Variants in RBFOX1 observed in about 807,000 individuals in gnomAD.
RBFOX1 encodes RNA binding fox-1 homolog 1, also known as RNA binding protein fox-1 homolog 1.
A neutral mutation model predicts 57.7 loss-of-function variants in RBFOX1; 8 were observed. The observed-to-expected ratio is 0.14, with a 90% CI of 0.08 to 0.25. RBFOX1 has a LOEUF of 0.25. Among genes scored for constraint, RBFOX1 ranks in the 10% least tolerant of loss-of-function variants. The pLI is 1.00. For missense variants in RBFOX1, 611 were observed against 548.5 expected (o/e 1.11, Z -1.14); for synonymous variants, 326 against 222.4 (o/e 1.47, Z -4.15).
At chr16:6,544,041 A>C (rs1267358907) in intron 2 of RBFOX1, among the ~76,000 whole-genome samples, 2 of 152,224 alleles carry the variant, frequency 1.3e-5, no homozygotes, top group Non-Finnish European at 2.9e-5. Flanking sequence ...CAAGTACCTG[A>C]GATGCTCTTC....
At chr16:6,916,708 C>G (rs890072652) in intron 3 of RBFOX1, among the ~76,000 whole-genome samples, 9 of 152,126 alleles carry the variant, frequency 5.9e-5, no homozygotes, top group South Asian at 2.1e-4. Flanking sequence ...ATGCCCATTC[C>G]TACTTAAAAA....
intron 2 of RBFOX1, among the ~76,000 whole-genome samples, chr16:6,336,101 A>C (rs1298209739): frequency 7.0e-6 from 1 of 143,366 alleles, no homozygotes. Flanking sequence ...GATACTTGCA[A>C]ATAAGAAGGC....
intron 4 of RBFOX1, among the ~76,000 whole-genome samples, chr16:7,097,066 A>G (rs1599398367): frequency 6.6e-6 from 1 of 152,132 alleles, no homozygotes; most frequent in East Asian, 1.9e-4. Context: ...ACAAATAAAC[A>G]CATGTGATCA....
intron 2 of RBFOX1, among the ~76,000 whole-genome samples, chr16:6,332,332 G>T (rs982130536): frequency 9.9e-5 from 15 of 152,146 alleles, no homozygotes; most frequent in African/African-American, 3.6e-4. Context: ...AGCTACACTG[G>T]TGGGAAAAAA....
chr16:6,517,617 A>C (rs1379104064), intron 2 of RBFOX1, among the ~76,000 whole-genome samples: 1 of 152,130 alleles, frequency 6.6e-6, no homozygotes, highest in Non-Finnish European at 1.5e-5. Context: ...CTGGGTGTTT[A>C]ATCCCGTGAC....
At chr16:5,371,064 T>C (rs557535) in intron 1 of RBFOX1, among the ~76,000 whole-genome samples, 152,299 of 152,330 alleles carry the variant, frequency 1, 76,134 homozygotes, top group Non-Finnish European at 1. Flanking sequence ...TCTCCTGCCT[T>C]AGCCTCCCAA....
intron 2 of RBFOX1, among the ~76,000 whole-genome samples, chr16:6,468,639 A>C (rs2095105893): frequency 6.6e-6 from 1 of 152,128 alleles, no homozygotes; most frequent in South Asian, 2.1e-4. Context: ...CTTTGCAAAA[A>C]CAAATAAAAC....
intron 4 of RBFOX1, among the ~76,000 whole-genome samples, chr16:7,262,411 G>T (rs746022279): frequency 6.6e-6 from 1 of 152,066 alleles, no homozygotes; most frequent in Non-Finnish European, 1.5e-5. Flanking sequence ...GGAAAATACG[G>T]CACTGAAAAA....
At chr16:5,460,689 CA>C (rs2068760728) in intron 1 of RBFOX1, among the ~76,000 whole-genome samples, 1 of 152,200 alleles carries the variant, frequency 6.6e-6, no homozygotes, top group Non-Finnish European at 1.5e-5. Context: ...CTTTAGATAT[CA>C]AAAGGGCTGA....
At chr16:7,339,038 G>A (rs929957708) in intron 4 of RBFOX1, among the ~76,000 whole-genome samples, 7 of 152,266 alleles carry the variant, frequency 4.6e-5, no homozygotes, top group South Asian at 2.1e-4. Context: ...TGTCAACAGC[G>A]GACTAAATTA....
rs1018761565 is a variant in RBFOX1, at chr16:6,672,063, G to A, written c.-16+17413G>A. On this transcript the variant is annotated intron_variant, in intron 3 of 15. Transcript: ENST00000550418. ...TTATTTGGAATAGGTGAACCCATCC[G>A]ATAGTTGTTAATCACATTCGGTTTC... is the stretch of plus-strand genomic sequence containing the variant. 5.9e-5 allele frequency among the ~76,000 whole-genome samples: 9 copies of A among 152,202 alleles called. No homozygotes were observed. In the East Asian group the frequency reaches 7.7e-4, roughly 13 times the overall value.
chr16:6,371,455 T>C (rs1392629381), intron 2 of RBFOX1, among the ~76,000 whole-genome samples: 3 of 152,358 alleles, frequency 2.0e-5, no homozygotes, highest in Non-Finnish European at 4.4e-5. Flanking sequence ...GTTATTTGTT[T>C]TGATGCTCAA....
At chr16:6,856,100 C>CCCTTCCCTTTCTTCCCTTT (rs1222917244) in intron 3 of RBFOX1, among the ~76,000 whole-genome samples, 2 of 151,228 alleles carry the variant, frequency 1.3e-5, no homozygotes, top group Non-Finnish European at 2.9e-5. Flanking sequence ...CCCTTCCCTT[C>CCCTTCCCTTTCTTCCCTTT]CCTTCCCTTT....
At chr16:7,398,491 G>A (rs946143144) in intron 4 of RBFOX1, among the ~76,000 whole-genome samples, 8 of 152,226 alleles carry the variant, frequency 5.3e-5, no homozygotes, top group African/African-American at 1.9e-4. Context: ...AGGCATCAGT[G>A]GTTGAATTAT....
At chr16:6,886,925 G>A (rs919766464) in intron 3 of RBFOX1, among the ~76,000 whole-genome samples, 2 of 152,074 alleles carry the variant, frequency 1.3e-5, no homozygotes, top group Non-Finnish European at 2.9e-5. Context: ...GGTGTCTGTG[G>A]AAGCAAAACC....
chr16:7,499,770 G>C (rs755644547), intron 4 of RBFOX1, among the ~76,000 whole-genome samples: 1 of 152,022 alleles, frequency 6.6e-6, no homozygotes, highest in Non-Finnish European at 1.5e-5. Context: ...AATATTTAAT[G>C]TCGATCAGCC....
chr16:7,185,694 G>C (rs1295541481), intron 4 of RBFOX1, among the ~76,000 whole-genome samples: 2 of 152,106 alleles, frequency 1.3e-5, no homozygotes, highest in Non-Finnish European at 2.9e-5. Context: ...ATCTTCAAAG[G>C]CACTCTTTTT....
At chr16:6,029,782 A>AAG (rs2095261913) in intron 1 of RBFOX1, among the ~76,000 whole-genome samples, 1 of 151,842 alleles carries the variant, frequency 6.6e-6, no homozygotes, top group African/African-American at 2.4e-5. Context: ...CAAAAAAAAA[A>AAG]AAAAAAAAAG....
intron 14 of RBFOX1, chr16:7,693,479 G>C: frequency 2.0e-6 from 1 of 502,642 alleles, no homozygotes. Context: ...GTTTAGTTAA[G>C]AAAAAAAAAA....
Sources: allele counts gnomAD v4.1 joint callset (sites outside exome capture counted in the v4.1 genomes callset), GRCh38; gene constraint gnomAD v4.1.1; transcripts MANE v1.5; gene names NCBI Gene and HGNC (gene_info 2026-07-23, HGNC 2026-07-21).